The following VIPR2 variants were observed in gnomAD, a reference collection of about 807,000 sequenced individuals.
The protein encoded by VIPR2 is vasoactive intestinal peptide receptor 2, also known as vasoactive intestinal polypeptide receptor 2.
In VIPR2, 48 loss-of-function variants were observed where a neutral mutation model predicts 58.0. The observed-to-expected ratio is 0.83, with a 90% confidence interval of 0.66 to 1.05. VIPR2 has a LOEUF of 1.05. Ranked by LOEUF, VIPR2 falls within the 50% of genes least tolerant of loss-of-function variation. The pLI, the probability that VIPR2 is intolerant of heterozygous loss-of-function variation, is 0.00. For missense variants in VIPR2, 534 were observed against 558.0 expected, an observed-to-expected ratio of 0.96 and a Z score of 0.43; for synonymous variants, 243 against 235.2, an observed-to-expected ratio of 1.03 and a Z score of -0.30.
intron 4 of VIPR2, among the ~76,000 whole-genome samples, chr7:159,060,418 C>A (rs1855580937): frequency 6.6e-6 from 1 of 151,956 alleles, no homozygotes; most frequent in African/African-American, 2.4e-5. Context: ...CTTCACTTCA[C>A]CTAACCACTC....
intron 2 of VIPR2, among the ~76,000 whole-genome samples, chr7:159,133,270 G>A (rs1239932240): frequency 2.0e-5 from 3 of 152,310 alleles, no homozygotes; most frequent in Non-Finnish European, 2.9e-5. Context: ...ACACACCAGT[G>A]TCTCCTGGCC....
intron 4 of VIPR2, among the ~76,000 whole-genome samples, chr7:159,059,058 G>A (rs1345231003): frequency 6.6e-6 from 1 of 152,248 alleles, no homozygotes; most frequent in Non-Finnish European, 1.5e-5. Flanking sequence ...GCCAGCTGCT[G>A]AGCTGCAGTA....
chr7:159,046,429 G>T (rs1174012531), intron 5 of VIPR2, among the ~76,000 whole-genome samples: 1 of 152,208 alleles, frequency 6.6e-6, no homozygotes, highest in Admixed American at 6.5e-5. Context: ...AAAACATTAT[G>T]CTAAGTAAAG....
intron 6 of VIPR2, 31 bp downstream of exon 6, chr7:159,043,003 AC>A: frequency 1.2e-6 from 2 of 1,609,468 alleles, no homozygotes; most frequent in Non-Finnish European, 1.7e-6. Context: ...AAGGGACAAG[AC>A]AGTGGGACCC....
chr7:159,091,328 T>C (rs1857491189), intron 4 of VIPR2, among the ~76,000 whole-genome samples: 1 of 152,234 alleles, frequency 6.6e-6, no homozygotes, highest in Admixed American at 6.5e-5. Context: ...TTCTGAGCCG[T>C]GTCCCTGTAT....
intron 5 of VIPR2, among the ~76,000 whole-genome samples, chr7:159,045,272 A>G (rs933224497): frequency 1.3e-5 from 2 of 152,244 alleles, no homozygotes; most frequent in Non-Finnish European, 2.9e-5. Context: ...GTCATGTGGA[A>G]TTATGATGGA....
chr7:159,069,271 AC>A (rs2129494475), intron 4 of VIPR2, among the ~76,000 whole-genome samples: 1 of 152,110 alleles, frequency 6.6e-6, no homozygotes, highest in Non-Finnish European at 1.5e-5. Context: ...CCCCTGAACT[AC>A]CTTCTCCAGG....
chr7:159,140,383 T>G (rs1383998329), intron 2 of VIPR2, among the ~76,000 whole-genome samples: 1 of 152,210 alleles, frequency 6.6e-6, no homozygotes, highest in African/African-American at 2.4e-5. Flanking sequence ...GCATCTTTAT[T>G]CTGGTAACTT....
intron 3 of VIPR2, among the ~76,000 whole-genome samples, chr7:159,107,822 G>C (rs1795822154): frequency 3.3e-5 from 5 of 152,216 alleles, no homozygotes; most frequent in African/African-American, 1.2e-4. Context: ...GGTCCCGCCT[G>C]GCACAGAGAC....
At chr7:159,087,631 A>G (rs1857257163) in intron 4 of VIPR2, among the ~76,000 whole-genome samples, 1 of 125,496 alleles carries the variant, frequency 8.0e-6, no homozygotes, top group Non-Finnish European at 1.7e-5. Flanking sequence ...CTTCTCCAAC[A>G]AACAATACCC....
intron 4 of VIPR2, among the ~76,000 whole-genome samples, chr7:159,068,455 G>A (rs996172608): frequency 1.3e-5 from 2 of 152,260 alleles, no homozygotes; most frequent in Non-Finnish European, 1.5e-5. Context: ...TTAGCCAACA[G>A]CGAGGGCTCA....
intron 12 of VIPR2, 64 bp from the exon 13 acceptor site, chr7:159,030,853 A>T: frequency 7.1e-7 from 1 of 1,416,914 alleles, no homozygotes; most frequent in East Asian, 2.8e-5. Context: ...TGCTATGGGA[A>T]GCGCGGCCCG....
chr7:159,043,346 G>A (rs1191644573), intron 5 of VIPR2, among the ~76,000 whole-genome samples, 170 bp from the exon 6 acceptor site: 1 of 152,036 alleles, frequency 6.6e-6, no homozygotes, highest in Non-Finnish European at 1.5e-5. Flanking sequence ...ATTTGCTGTG[G>A]CAGAGAAAAA....
At chr7:159,132,584 AC>A (rs1251985912) in intron 2 of VIPR2, among the ~76,000 whole-genome samples, 31 of 152,214 alleles carry the variant, frequency 2.0e-4, no homozygotes, top group African/African-American at 7.2e-4. Context: ...GAAACTACAG[AC>A]CCAGAGCCCG....
chr7:159,142,917 C>T (rs1797533173), intron 1 of VIPR2, among the ~76,000 whole-genome samples: 1 of 152,238 alleles, frequency 6.6e-6, no homozygotes, highest in South Asian at 2.1e-4. Flanking sequence ...GTGGACTGTG[C>T]CGCTTCCTCC....
intron 4 of VIPR2, among the ~76,000 whole-genome samples, chr7:159,088,684 G>C (rs1001527747): frequency 1.3e-4 from 20 of 152,264 alleles, no homozygotes; most frequent in Non-Finnish European, 2.1e-4. Flanking sequence ...GTCTGAGCTG[G>C]AGAGGGAATC....
At chr7:159,091,183 C>T (rs1298249571) in intron 4 of VIPR2, among the ~76,000 whole-genome samples, 4 of 152,262 alleles carry the variant, frequency 2.6e-5, no homozygotes, top group African/African-American at 2.4e-5. Flanking sequence ...GTAGAAGCAT[C>T]GAATTGTGGT....
chr7:159,139,517 G>A (rs1316776786), intron 2 of VIPR2, among the ~76,000 whole-genome samples: 3 of 152,186 alleles, frequency 2.0e-5, no homozygotes, highest in Non-Finnish European at 4.4e-5. Flanking sequence ...TGCAAGTGGG[G>A]AATGACCTCA....
Position 159,030,730 on chromosome 7 carries a change from C to G in VIPR2, c.1203G>C (p.Arg401=), listed in dbSNP as rs759333447. 1 of 1,590,280 alleles carries G rather than the reference C, an allele frequency of 6.3e-7. No homozygotes were observed. The highest frequency in any genetic ancestry group is 1.3e-5 in the African/African-American group (1 of 74,260). Reference sequence around the variant, plus strand: ...AGGAGGAACCGCAGACCCTGTAATCCCGGCTCGCGGACGGGGTCGGGCACC... The same window carrying G: ...AGGAGGAACCGCAGACCCTGTAATCGCGGCTCGCGGACGGGGTCGGGCACC... The part of the protein sequence containing the change: ...RSRCPTPSAS[R]DYRVCGSSFS... Residue 401 remains arginine, a synonymous_variant, in exon 13 of 13, where the codon CGG becomes CGC. Coordinates refer to ENST00000262178, the MANE Select transcript of VIPR2 (RefSeq NM_003382.5).
Sources: allele counts gnomAD v4.1 joint callset (sites outside exome capture counted in the v4.1 genomes callset), GRCh38; gene constraint gnomAD v4.1.1; transcripts MANE v1.5; gene names NCBI Gene and HGNC (gene_info 2026-07-23, HGNC 2026-07-21).